IGHMBP2: variants seen among roughly 807,000 people sequenced by gnomAD.
IGHMBP2 encodes DNA-binding protein SMUBP-2.
IGHMBP2 carries 81 observed loss-of-function variants against 96.0 expected under a neutral mutation model. The ratio of observed to expected loss-of-function variants is 0.84; its 90% CI spans 0.71 to 1.01. The LOEUF is 1.01. Among genes scored for constraint, IGHMBP2 ranks in the 50% least tolerant of loss-of-function variants. The probability of loss-of-function intolerance (pLI) is 0.00; values close to 1 mark genes in which losing one functional copy is unlikely to be tolerated. For missense variants in IGHMBP2, 1,227 were observed against 1,306.3 expected (o/e 0.94, Z 0.94); for synonymous variants, 557 against 548.9 (o/e 1.01, Z -0.21).
chr11:68,916,777 T>C (rs1388064870), intron 6 of IGHMBP2, among the ~76,000 whole-genome samples: 3 of 152,034 alleles, frequency 2.0e-5, no homozygotes, highest in African/African-American at 7.2e-5. Context: ...GATAGATGCA[T>C]GTCATGCAGG....
chr11:68,904,788 CT>C (rs1156973115), intron 1 of IGHMBP2, among the ~76,000 whole-genome samples: 7 of 78,412 alleles, frequency 8.9e-5, no homozygotes, highest in Non-Finnish European at 1.6e-4. Context: ...GTGTAAGTTT[CT>C]TTTTTTTCTT....
intron 7 of IGHMBP2, among the ~76,000 whole-genome samples, chr11:68,926,810 G>C (rs188385119): frequency 6.6e-6 from 1 of 152,176 alleles, no homozygotes; most frequent in East Asian, 1.9e-4. Context: ...CTGTTGCTCA[G>C]GCTGGAGTGC....
At chr11:68,911,638 G>A (rs772049777) in intron 5 of IGHMBP2, 35 bp downstream of exon 5, 50 of 1,606,372 alleles carry the variant, frequency 3.1e-5, no homozygotes, top group Non-Finnish European at 3.6e-5. Context: ...GTCAGAGCCC[G>A]TCCGCTCCTG....
chr11:68,918,641 C>CA, intron 7 of IGHMBP2, among the ~76,000 whole-genome samples: 1 of 151,034 alleles, frequency 6.6e-6, no homozygotes. Context: ...GACTCCGCCT[C>CA]AAAAAAATAA....
At chr11:68,915,047 T>C in intron 6 of IGHMBP2, 24 bp downstream of exon 6, 1 of 1,599,310 alleles carries the variant, frequency 6.3e-7, no homozygotes, top group Non-Finnish European at 8.6e-7. Context: ...CCAGTGTCCA[T>C]GTGGGGCGTG....
At chr11:68,910,814 C>T (rs1355610034) in intron 4 of IGHMBP2, among the ~76,000 whole-genome samples, 3 of 147,264 alleles carry the variant, frequency 2.0e-5, no homozygotes, top group South Asian at 2.2e-4. Context: ...ACCCAGGAGG[C>T]GGATGTTGCA....
At chr11:68,915,489 G>T (rs1251466352) in intron 6 of IGHMBP2, among the ~76,000 whole-genome samples, 8 of 142,574 alleles carry the variant, frequency 5.6e-5, no homozygotes, top group Middle Eastern at 3.7e-3. Context: ...CTTTGTTTTT[G>T]TTTTTTTTTT....
chr11:68,936,968 C>G lies in IGHMBP2; in HGVS notation c.2488C>G (p.Leu830Val), dbSNP rs762546267. The change falls in exon 13 of 15, where the codon CTG becomes GTG. Residue 830 changes from leucine (L) to valine (V), a missense_variant. Leu to Val is a conservative substitution (Grantham distance 32). Coordinates refer to ENST00000255078, the MANE Select transcript of IGHMBP2 (RefSeq NM_002180.3). ...REQRGPDQPD[L>V]RTLHLERLQR... ...GCAGCGTGGCCCAGACCAGCCTGAT[C>G]TGAGGACGCTGCACCTGGAGAGACT... 3 of 1,606,754 alleles carry G rather than the reference C, an allele frequency of 1.9e-6. No homozygotes were observed. The African/African-American group carries it at 4.0e-5, about 21-fold the overall frequency.
At chr11:68,904,729 A>G (rs1858108056) in intron 1 of IGHMBP2, among the ~76,000 whole-genome samples, 1 of 151,560 alleles carries the variant, frequency 6.6e-6, no homozygotes, top group Non-Finnish European at 1.5e-5. Context: ...ACACTTACGT[A>G]CTTTCCATGC....
intron 5 of IGHMBP2, among the ~76,000 whole-genome samples, chr11:68,913,464 C>T (rs1858524973): frequency 6.6e-6 from 1 of 151,990 alleles, no homozygotes; most frequent in Admixed American, 6.6e-5. Context: ...GAGACTCTGC[C>T]TCCTCTGCTG....
chr11:68,926,731 C>T (rs1475299438), intron 7 of IGHMBP2, among the ~76,000 whole-genome samples: 1 of 152,140 alleles, frequency 6.6e-6, no homozygotes, highest in Non-Finnish European at 1.5e-5. Flanking sequence ...GTAAGATCAG[C>T]ATCTGGGCTT....
intron 8 of IGHMBP2, chr11:68,929,974 C>G (rs1594446941): frequency 4.0e-6 from 4 of 1,011,438 alleles, no homozygotes; most frequent in Admixed American, 5.8e-5. Context: ...CCCGCCCCCC[C>G]AGCCCCCCTC....
At chr11:68,926,873 C>T (rs12146657) in intron 7 of IGHMBP2, among the ~76,000 whole-genome samples, 16 of 152,008 alleles carry the variant, frequency 1.1e-4, no homozygotes, top group Non-Finnish European at 2.4e-4. Flanking sequence ...TCAAGCGATT[C>T]TCCTGCCTTA....
intron 7 of IGHMBP2, among the ~76,000 whole-genome samples, chr11:68,923,621 A>G (rs936517934): frequency 2.6e-5 from 4 of 152,162 alleles, no homozygotes; most frequent in Non-Finnish European, 5.9e-5. Context: ...TCCAGGGTTA[A>G]TATTCCCCTG....
intron 7 of IGHMBP2, among the ~76,000 whole-genome samples, chr11:68,919,871 A>G (rs1166806884): frequency 6.6e-6 from 1 of 152,232 alleles, no homozygotes; most frequent in Admixed American, 6.5e-5. Context: ...TGACATTAAA[A>G]TAATCATTTC....
Position 68,908,156 on chromosome 11 carries a change from G to C in IGHMBP2, c.268G>C (p.Gly90Arg). 1 of 1,613,638 alleles carries C rather than the reference G, an allele frequency of 6.2e-7. No homozygotes were observed. The highest frequency in any genetic ancestry group is 8.5e-7 in the Non-Finnish European group (1 of 1,179,920). The change falls in exon 3 of 15, where the codon GGC becomes CGC. Residue 90 changes from glycine (G) to arginine (R), a missense_variant. This residue lies in a region of IGHMBP2 where 507 missense variants were observed against 496.9 expected (regional missense o/e 1.02). Coordinates refer to ENST00000255078, the MANE Select transcript of IGHMBP2 (RefSeq NM_002180.3). ...CTTTGTTTTTGCAGGTGATATCGTG[G>C]GCCTGTACGATGCTGCTAATGAGGG... ...SNSFTSGDIVGLYDAANEGSQ... is the reference protein window; with the variant it reads ...SNSFTSGDIVRLYDAANEGSQ...
Position 68,939,734 on chromosome 11 carries a change from G to C in IGHMBP2, c.*3G>C. Reference sequence around the variant, plus strand: ...GGAGGAAGGAGAGGGGGACGTGACCGGCCGCATCCTTGCACGCCCCGCGGA... The same window carrying C: ...GGAGGAAGGAGAGGGGGACGTGACCCGCCGCATCCTTGCACGCCCCGCGGA... On this transcript the variant is annotated 3_prime_UTR_variant, in exon 15 of 15. Transcript: ENST00000255078. The C allele has an allele frequency of 1.2e-6, 2 of 1,605,726 alleles. No individual in the cohort carries two copies. Among genetic ancestry groups the C allele is most frequent in the Non-Finnish European group, 1.7e-6 (2 of 1,177,066 alleles).
chr11:68,925,142 CTT>C (rs921409570), intron 7 of IGHMBP2, among the ~76,000 whole-genome samples: 17 of 108,704 alleles, frequency 1.6e-4, no homozygotes, highest in Admixed American at 1.9e-4. Flanking sequence ...AGTCCAGGTT[CTT>C]TTTTTTTTTT....
At chr11:68,917,565 G>A (rs937831548) in intron 6 of IGHMBP2, among the ~76,000 whole-genome samples, 171 bp from the exon 7 acceptor site, 1 of 152,166 alleles carries the variant, frequency 6.6e-6, no homozygotes, top group African/African-American at 2.4e-5. Flanking sequence ...AAGTGAGGAT[G>A]TAAGGTGCTT....
Sources: allele counts gnomAD v4.1 joint callset (sites outside exome capture counted in the v4.1 genomes callset), GRCh38; gene constraint gnomAD v4.1.1; regional missense constraint gnomAD v4.1.1; transcripts MANE v1.5; gene names NCBI Gene and HGNC (gene_info 2026-07-23, HGNC 2026-07-21).